SDHC: variants seen among roughly 807,000 people sequenced by gnomAD.
SDHC encodes succinate dehydrogenase cytochrome b560 subunit, mitochondrial.
Under a neutral mutation model 22.6 loss-of-function variants are expected in SDHC, and 11 were observed. The ratio of observed to expected loss-of-function variants is 0.49; its 90% confidence interval spans 0.31 to 0.81. The LOEUF (loss-of-function observed/expected upper bound fraction) is 0.81, where lower values mean the gene tolerates loss of function less well. Ranked by LOEUF, SDHC falls within the 30% of genes least tolerant of loss-of-function variation. The pLI is 0.05. For missense variants in SDHC, 160 were observed against 212.0 expected (o/e 0.75, Z 1.52); for synonymous variants, 80 against 77.8 (o/e 1.03, Z -0.15).
chr1:161,317,706 C>T lies in SDHC; in HGVS notation c.20+3281C>T, dbSNP rs576291359. Among the ~76,000 whole-genome samples, 34 of 150,960 alleles carry T rather than the reference C, an allele frequency of 2.3e-4. No homozygotes were observed. In the South Asian group the frequency reaches 4.2e-3, roughly 19 times the overall value. Reference sequence around the variant, plus strand: ...CCTCCCAAGCAGCTAGGACTACAGGCGTGTGCCACCATGCCAGGCTAATTT... The same window carrying T: ...CCTCCCAAGCAGCTAGGACTACAGGTGTGTGCCACCATGCCAGGCTAATTT... On this transcript the variant is annotated intron_variant, in intron 1 of 5. Transcript: ENST00000367975.
rs531086428 is a variant in SDHC, at chr1:161,359,390, G to T, written c.405+2550G>T. On this transcript the variant is annotated intron_variant, in intron 5 of 5. Coordinates refer to ENST00000367975, the MANE Select transcript of SDHC (RefSeq NM_003001.5). ...TGTATCAACTGTTCCCTGGGGCAGT[G>T]TTCAGTTTGATTTAAAATGACTTTT... Among the ~76,000 whole-genome samples the T allele has an allele frequency of 3.9e-5, 6 of 152,324 alleles. No homozygotes were observed. In the East Asian group the frequency reaches 1.2e-3, roughly 29 times the overall value.
At chr1:161,323,803 C>A in intron 2 of SDHC, 133 bp downstream of exon 2, 1 of 595,290 alleles carries the variant, frequency 1.7e-6, no homozygotes. Flanking sequence ...TCACGCCATT[C>A]TCCTGCCTCA....
intron 3 of SDHC, among the ~76,000 whole-genome samples, chr1:161,333,807 C>T (rs977556711): frequency 1.3e-5 from 2 of 152,212 alleles, no homozygotes; most frequent in Admixed American, 1.3e-4. Context: ...CACATCCTCA[C>T]CAGCACAACA....
At chr1:161,319,471 G>A (rs1241731401) in intron 1 of SDHC, among the ~76,000 whole-genome samples, 1 of 147,826 alleles carries the variant, frequency 6.8e-6, no homozygotes, top group Non-Finnish European at 1.5e-5. Context: ...TTTTGAGACT[G>A]AGTCTCGCTC....
At chr1:161,315,796 A>G (rs985722029) in intron 1 of SDHC, among the ~76,000 whole-genome samples, 1 of 151,826 alleles carries the variant, frequency 6.6e-6, no homozygotes, top group East Asian at 1.9e-4. Context: ...CAGACAAAGT[A>G]TAGAGAAAGA....
Position 161,323,939 on chromosome 1 carries a change from G to A in SDHC, c.77+269G>A, listed in dbSNP as rs550206619. ...TCTCGATCTCCTGACCTTGTGATCC[G>A]CCCGCCTCGGCCTCCCAAAGTGCTG... On this transcript the variant is annotated intron_variant, in intron 2 of 5. Coordinates refer to ENST00000367975, the MANE Select transcript of SDHC (RefSeq NM_003001.5). Among the ~76,000 whole-genome samples, 14 of 152,072 alleles carry A rather than the reference G, an allele frequency of 9.2e-5. 1 individual carries two copies. The South Asian group carries it at 1.9e-3, about 20-fold the overall frequency.
intron 1 of SDHC, 37 bp downstream of exon 1, chr1:161,314,462 C>T (rs2102272159): frequency 6.2e-7 from 1 of 1,611,914 alleles, no homozygotes; most frequent in Non-Finnish European, 8.5e-7. Flanking sequence ...TGCCTGCGGC[C>T]CTCCGGAGAT....
chr1:161,319,423 G>T (rs1670756852), intron 1 of SDHC, among the ~76,000 whole-genome samples: 1 of 151,742 alleles, frequency 6.6e-6, no homozygotes, highest in African/African-American at 2.4e-5. Flanking sequence ...TTGCTATCCA[G>T]GAATTGGTTG....
At chr1:161,362,301 C>CA in intron 5 of SDHC, 28 bp from the exon 6 acceptor site, 1 of 1,497,608 alleles carries the variant, frequency 6.7e-7, no homozygotes, top group Non-Finnish European at 9.2e-7. Context: ...ACTGAAATTC[C>CA]TTTTTTTTTT....
intron 5 of SDHC, among the ~76,000 whole-genome samples, chr1:161,359,106 AAAAAG>A (rs1003993196): frequency 1.3e-5 from 2 of 152,056 alleles, no homozygotes; most frequent in African/African-American, 2.4e-5. Context: ...CAAAAAAAAA[AAAAAG>A]AAAAGATTTT....
chr1:161,316,351 A>T (rs981307215), intron 1 of SDHC, among the ~76,000 whole-genome samples: 3 of 152,228 alleles, frequency 2.0e-5, no homozygotes, highest in Admixed American at 6.5e-5. Context: ...CTTGCGGCCT[A>T]CCGCAGTGTT....
intron 5 of SDHC, 118 bp downstream of exon 5, chr1:161,356,958 T>G (rs1672302872): frequency 4.7e-6 from 5 of 1,053,016 alleles, no homozygotes; most frequent in Non-Finnish European, 7.2e-6. Context: ...AAGAGTGGAG[T>G]CTCGCTCTAT....
chr1:161,350,135 C>T (rs1258837184), intron 4 of SDHC, among the ~76,000 whole-genome samples: 3 of 152,140 alleles, frequency 2.0e-5, no homozygotes, highest in African/African-American at 7.2e-5. Flanking sequence ...GTCTTGAACT[C>T]CTGACTACAG....
chr1:161,362,863 T>C lies in SDHC; in HGVS notation c.*430T>C. 1 of 457,932 alleles carries C rather than the reference T, an allele frequency of 2.2e-6. No individual in the cohort carries two copies. 28.4% of individuals were successfully genotyped at this position (457,932 alleles called of 1,614,324 possible). On this transcript the variant is annotated 3_prime_UTR_variant, in exon 6 of 6. Coordinates refer to ENST00000367975, the MANE Select transcript of SDHC (RefSeq NM_003001.5). The stretch of plus-strand genomic sequence containing the variant: ...TTGGGTGCCACTGCCTGTGGGTTGC[T>C]GGCTTAAAGGACAATTCTCTTCATT...
In SDHC at chr1:161,317,943, G is replaced by A. The variant is rs570049374; in HGVS notation, c.20+3518G>A. Among the ~76,000 whole-genome samples, 126 of 152,090 alleles carry A rather than the reference G, an allele frequency of 8.3e-4. 1 individual carries two copies. The highest frequency in any genetic ancestry group is 3.0e-3 in the African/African-American group (123 of 41,512). ...AATCCCAGCACTTTGGGAGGCTGAG[G>A]CTGTCAGATCACAAGGTCAGGAGAT... On this transcript the variant is annotated intron_variant, in intron 1 of 5. Coordinates refer to ENST00000367975, the MANE Select transcript of SDHC (RefSeq NM_003001.5).
chr1:161,346,016 G>A (rs1017931356), intron 4 of SDHC, among the ~76,000 whole-genome samples: 5 of 150,946 alleles, frequency 3.3e-5, no homozygotes, highest in Non-Finnish European at 7.4e-5. Flanking sequence ...ATTTGGCCAG[G>A]CTGGTCTCAA....
intron 1 of SDHC, among the ~76,000 whole-genome samples, chr1:161,318,711 TTTC>T (rs1359261600): frequency 1.3e-5 from 2 of 152,210 alleles, no homozygotes; most frequent in African/African-American, 4.8e-5. Context: ...TTTTAACCTT[TTTC>T]TTTGTGTCAG....
chr1:161,326,783 G>C (rs1040070044), intron 2 of SDHC: 11 of 151,530 alleles, frequency 7.3e-5, no homozygotes, highest in Non-Finnish European at 1.2e-4. Context: ...GCACCACCAC[G>C]CCTAGCTAAT....
intron 5 of SDHC, among the ~76,000 whole-genome samples, chr1:161,360,845 G>T (rs908826115): frequency 2.6e-5 from 4 of 152,158 alleles, no homozygotes; most frequent in African/African-American, 9.7e-5. Context: ...GGGCGTGGTG[G>T]CTCATGCCTG....
Sources: allele counts gnomAD v4.1 joint callset (sites outside exome capture counted in the v4.1 genomes callset), GRCh38; gene constraint gnomAD v4.1.1; transcripts MANE v1.5; gene names NCBI Gene and HGNC (gene_info 2026-07-23, HGNC 2026-07-21).